NCALD: variants seen among roughly 807,000 people sequenced by gnomAD.
NCALD encodes the protein neurocalcin-delta.
A neutral mutation model predicts 18.6 loss-of-function variants in NCALD; 10 were observed. The observed-to-expected ratio is 0.54, with a 90% CI of 0.33 to 0.91. NCALD has a LOEUF of 0.91. Ranked by LOEUF, NCALD falls within the 40% of genes least tolerant of loss-of-function variation. The probability of loss-of-function intolerance (pLI) is 0.03; values close to 1 mark genes in which losing one functional copy is unlikely to be tolerated. For synonymous variants in NCALD, 88 were observed against 87.4 expected (o/e 1.01, Z -0.04); for missense variants, 184 against 247.6 (o/e 0.74, Z 1.72).
intron 3 of NCALD, among the ~76,000 whole-genome samples, chr8:101,887,607 A>G: frequency 6.6e-6 from 1 of 150,700 alleles, no homozygotes; most frequent in East Asian, 1.9e-4. Context: ...ATGAACTTAA[A>G]TATAAATATA....
intron 1 of NCALD, among the ~76,000 whole-genome samples, chr8:102,050,770 T>C (rs1823417260): frequency 1.4e-5 from 2 of 146,544 alleles, no homozygotes; most frequent in Non-Finnish European, 3.0e-5. Flanking sequence ...TATATAATTT[T>C]ATTTTTAATT....
chr8:102,062,172 G>A (rs541729382), intron 1 of NCALD, among the ~76,000 whole-genome samples: 1 of 152,338 alleles, frequency 6.6e-6, no homozygotes, highest in African/African-American at 2.4e-5. Flanking sequence ...GAAAGGCTGA[G>A]GTGGGAGGAT....
chr8:102,064,890 C>T (rs948961854), intron 1 of NCALD, among the ~76,000 whole-genome samples: 3 of 151,846 alleles, frequency 2.0e-5, no homozygotes, highest in Non-Finnish European at 2.9e-5. Flanking sequence ...TCCCCATCCA[C>T]TCATGCCCTT....
chr8:101,789,725 T>G (rs954340326), intron 1 of NCALD, among the ~76,000 whole-genome samples: 1 of 152,136 alleles, frequency 6.6e-6, no homozygotes, highest in Admixed American at 6.6e-5. Flanking sequence ...TTGCCCCTTT[T>G]TCTGTTAAAC....
At chr8:102,068,053 A>C (rs1187130006) in intron 1 of NCALD, among the ~76,000 whole-genome samples, 1 of 152,200 alleles carries the variant, frequency 6.6e-6, no homozygotes, top group Non-Finnish European at 1.5e-5. Context: ...CCACAGACAC[A>C]TGAGAACTAG....
At chr8:101,889,728 G>A (rs1329267619) in intron 3 of NCALD, among the ~76,000 whole-genome samples, 1 of 152,188 alleles carries the variant, frequency 6.6e-6, no homozygotes, top group Non-Finnish European at 1.5e-5. Flanking sequence ...GAATTAGCCA[G>A]CTTCCCACAT....
At chr8:102,014,082 A>C (rs1248912373) in intron 2 of NCALD, among the ~76,000 whole-genome samples, 1 of 152,178 alleles carries the variant, frequency 6.6e-6, no homozygotes, top group Non-Finnish European at 1.5e-5. Flanking sequence ...TGAGACCAAT[A>C]TGGAGAGGGC....
intron 2 of NCALD, among the ~76,000 whole-genome samples, chr8:101,707,255 T>C (rs1815572097): frequency 6.6e-6 from 1 of 152,216 alleles, no homozygotes; most frequent in African/African-American, 2.4e-5. Context: ...AATGTGCTTC[T>C]AAAAAGAATA....
At chr8:101,845,626 G>A (rs1374230278) in intron 4 of NCALD, among the ~76,000 whole-genome samples, 2 of 152,102 alleles carry the variant, frequency 1.3e-5, no homozygotes, top group Non-Finnish European at 2.9e-5. Context: ...GTAAAAGCTG[G>A]GTAATTGGGA....
chr8:101,880,079 G>A (rs1241884955), intron 4 of NCALD, among the ~76,000 whole-genome samples: 1 of 151,910 alleles, frequency 6.6e-6, no homozygotes, highest in Non-Finnish European at 1.5e-5. Context: ...CCATGGTGTG[G>A]GGGGGAGGGG....
At chr8:102,101,168 G>A (rs906293563) in intron 1 of NCALD, among the ~76,000 whole-genome samples, 2 of 152,192 alleles carry the variant, frequency 1.3e-5, no homozygotes, top group East Asian at 1.9e-4. Context: ...CAGACAGAAG[G>A]GTGAGGACCA....
At position 102,088,667 on chromosome 8, in the gene NCALD, TG is replaced by T. The variant is rs985333748; in HGVS notation, c.-210+35569del. On this transcript the variant is annotated intron_variant, in intron 1 of 6. Transcript: ENST00000311028. ...AGATCTCTTTCAAAATCTAAGGCTT[TG>T]TTCTGTTTTCCATTGCATTATCTGA... Among the ~76,000 whole-genome samples, 52 of 152,200 alleles carry T rather than the reference TG, an allele frequency of 3.4e-4. 1 individual carries two copies. The highest frequency in any genetic ancestry group is 1.2e-3 in the African/African-American group (51 of 41,456).
At chr8:101,893,059 T>A (rs911408248) in intron 3 of NCALD, among the ~76,000 whole-genome samples, 4 of 150,304 alleles carry the variant, frequency 2.7e-5, no homozygotes, top group Admixed American at 6.6e-5. Flanking sequence ...GACACATAAT[T>A]GTCAGATTCA....
At chr8:101,716,145 A>C (rs1816067530) in intron 2 of NCALD, among the ~76,000 whole-genome samples, 1 of 152,248 alleles carries the variant, frequency 6.6e-6, no homozygotes, top group Non-Finnish European at 1.5e-5. Context: ...GCCACAAAAA[A>C]AGAATAAATT....
chr8:101,978,376 G>A (rs2131928007), intron 2 of NCALD, among the ~76,000 whole-genome samples: 1 of 152,282 alleles, frequency 6.6e-6, no homozygotes, highest in Non-Finnish European at 1.5e-5. Flanking sequence ...TACTGACACG[G>A]ATTAAGGGTC....
intron 4 of NCALD, among the ~76,000 whole-genome samples, chr8:101,851,104 C>T (rs1472512770): frequency 6.6e-6 from 1 of 152,086 alleles, no homozygotes; most frequent in Non-Finnish European, 1.5e-5. Context: ...AAAGCATTTC[C>T]TAAATTTATT....
chr8:101,826,750 A>G (rs1170518933), intron 4 of NCALD, among the ~76,000 whole-genome samples: 1 of 152,194 alleles, frequency 6.6e-6, no homozygotes, highest in East Asian at 1.9e-4. Context: ...TCATACCCTA[A>G]ATTAGGAGGA....
chr8:101,897,837 T>G (rs1005099286), intron 3 of NCALD, among the ~76,000 whole-genome samples: 1 of 152,196 alleles, frequency 6.6e-6, no homozygotes, highest in Non-Finnish European at 1.5e-5. Context: ...TTGATATGGT[T>G]TGACTGTGTC....
intron 2 of NCALD, among the ~76,000 whole-genome samples, chr8:101,940,162 C>T (rs917474710): frequency 2.0e-5 from 3 of 152,064 alleles, no homozygotes; most frequent in African/African-American, 7.3e-5. Flanking sequence ...AAGAGGAGTA[C>T]CTAGAAGAAT....
Sources: gnomAD v4.1 joint callset for allele counts (sites outside exome capture counted in the v4.1 genomes callset) on GRCh38, gnomAD v4.1.1 for gene constraint, MANE v1.5 for transcripts, NCBI Gene and HGNC (gene_info 2026-07-23, HGNC 2026-07-21) for gene names.